The following STK4 variants were observed in gnomAD, a reference collection of about 807,000 sequenced individuals.
STK4 encodes the protein serine/threonine kinase 4, also known as serine/threonine-protein kinase 4.
Under a neutral mutation model 64.9 loss-of-function variants are expected in STK4, and 30 were observed. That is an observed-to-expected ratio of 0.46 (90% CI 0.35 to 0.63). The LOEUF is 0.63. Ranked by LOEUF, STK4 falls within the 20% of genes least tolerant of loss-of-function variation. The pLI is 0.01. For missense variants in STK4, 466 were observed against 598.5 expected (o/e 0.78, Z 2.31); for synonymous variants, 177 against 199.0 (o/e 0.89, Z 0.93).
At chr20:45,068,484 T>C (rs1048039718) in intron 10 of STK4, among the ~76,000 whole-genome samples, 27 of 152,122 alleles carry the variant, frequency 1.8e-4, no homozygotes, top group African/African-American at 5.8e-4. Context: ...ATTTTACAGA[T>C]GAGAAAACGG....
chr20:45,055,772 GC>G (rs1177111476), intron 10 of STK4, among the ~76,000 whole-genome samples: 2 of 144,752 alleles, frequency 1.4e-5, no homozygotes, highest in Admixed American at 7.1e-5. Flanking sequence ...TTGCACTGTT[GC>G]CCAGGCTGGA....
intron 9 of STK4, chr20:45,007,752 C>CATTT: frequency 2.5e-6 from 1 of 408,086 alleles, no homozygotes; most frequent in Non-Finnish European, 4.9e-6. Flanking sequence ...ATTGTTTATT[C>CATTT]ATTTATTTAT....
At chr20:44,967,515 G>A (rs1568672145) in intron 1 of STK4, among the ~76,000 whole-genome samples, 1 of 152,150 alleles carries the variant, frequency 6.6e-6, no homozygotes, top group Non-Finnish European at 1.5e-5. Flanking sequence ...TGGACATCCC[G>A]GGTCTTTTGC....
At chr20:45,022,797 A>G (rs1196154417) in intron 9 of STK4, among the ~76,000 whole-genome samples, 1 of 152,208 alleles carries the variant, frequency 6.6e-6, no homozygotes, top group Non-Finnish European at 1.5e-5. Flanking sequence ...AAAGTTTTAA[A>G]TTACCTGTTA....
At chr20:45,047,120 A>C (rs2068708888) in intron 10 of STK4, among the ~76,000 whole-genome samples, 1 of 152,202 alleles carries the variant, frequency 6.6e-6, no homozygotes, top group Non-Finnish European at 1.5e-5. Context: ...TTGGATTTTG[A>C]CAAGGAAATG....
chr20:45,018,685 AATCTAATTTTTAAAATTCT>A (rs2145365408), intron 9 of STK4, among the ~76,000 whole-genome samples: 1 of 152,092 alleles, frequency 6.6e-6, no homozygotes, highest in East Asian at 1.9e-4. Flanking sequence ...CCATCACCAC[AATCTAATTTTTAAAATTCT>A]ATCTAATTTT....
At chr20:45,009,483 G>T (rs2145716609) in intron 9 of STK4, among the ~76,000 whole-genome samples, 1 of 152,232 alleles carries the variant, frequency 6.6e-6, no homozygotes, top group East Asian at 1.9e-4. Flanking sequence ...CTCTGGCTTT[G>T]TTCTTTTTGC....
chr20:45,013,430 A>G (rs990752737), intron 9 of STK4, among the ~76,000 whole-genome samples: 2 of 152,132 alleles, frequency 1.3e-5, no homozygotes, highest in African/African-American at 2.4e-5. Context: ...GCTGTATTCC[A>G]TACATTTTCA....
At chr20:44,978,414 T>C in intron 2 of STK4, 29 bp from the exon 3 acceptor site, 2 of 1,599,420 alleles carry the variant, frequency 1.3e-6, no homozygotes, top group Non-Finnish European at 1.7e-6. Context: ...TTTGACTTTA[T>C]AAATGTTCTT....
intron 2 of STK4, chr20:44,973,287 C>T (rs1196547507): frequency 1.3e-5 from 2 of 152,048 alleles, no homozygotes; most frequent in African/African-American, 2.4e-5. Context: ...CATGAGTCAT[C>T]GTCTTTTTGT....
chr20:45,020,034 G>T (rs2068214542), intron 9 of STK4, among the ~76,000 whole-genome samples: 1 of 152,056 alleles, frequency 6.6e-6, no homozygotes, highest in African/African-American at 2.4e-5. Flanking sequence ...TCTTTATTTT[G>T]ATTTTAGAGA....
chr20:44,973,627 G>C (rs1264763892), intron 2 of STK4, among the ~76,000 whole-genome samples: 3 of 152,212 alleles, frequency 2.0e-5, no homozygotes, highest in Non-Finnish European at 4.4e-5. Flanking sequence ...TTCTAATACA[G>C]TTTGCTCTTA....
intron 9 of STK4, among the ~76,000 whole-genome samples, chr20:45,002,712 C>T (rs1245793577): frequency 1.3e-5 from 2 of 152,140 alleles, no homozygotes; most frequent in Admixed American, 6.6e-5. Flanking sequence ...CAATGATCAA[C>T]TCACTGCCCG....
chr20:45,033,832 G>T (rs1332687374), intron 10 of STK4, among the ~76,000 whole-genome samples: 2 of 151,980 alleles, frequency 1.3e-5, no homozygotes, highest in Non-Finnish European at 2.9e-5. Flanking sequence ...TACCCACCTC[G>T]GCCTTTCAAA....
intron 9 of STK4, chr20:45,007,742 A>G (rs941454298): frequency 7.5e-6 from 3 of 402,400 alleles, no homozygotes; most frequent in African/African-American, 6.3e-5. Context: ...GTTCGAAACA[A>G]TTGTTTATTC....
chr20:44,991,670 T>G (rs1184135150), intron 5 of STK4, among the ~76,000 whole-genome samples: 3 of 152,178 alleles, frequency 2.0e-5, no homozygotes, highest in Non-Finnish European at 2.9e-5. Flanking sequence ...ACTTTTTTTT[T>G]TTGTTTTTGG....
intron 10 of STK4, among the ~76,000 whole-genome samples, chr20:45,027,187 G>A (rs1034088453): frequency 5.9e-5 from 9 of 152,128 alleles, no homozygotes; most frequent in African/African-American, 2.2e-4. Flanking sequence ...CCAGCACTTT[G>A]GGAGGCCAAG....
chr20:45,003,369 A>AT (rs1365577918), intron 9 of STK4, among the ~76,000 whole-genome samples: 2 of 152,188 alleles, frequency 1.3e-5, no homozygotes, highest in Non-Finnish European at 2.9e-5. Context: ...GTGGTGTTAG[A>AT]TAATTCACTT....
At chr20:45,038,310 G>A (rs889497041) in intron 10 of STK4, among the ~76,000 whole-genome samples, 4 of 126,936 alleles carry the variant, frequency 3.2e-5, no homozygotes, top group African/African-American at 1.3e-4. Context: ...AAATATTATT[G>A]ACCTTTTAAA....
Sources: gnomAD v4.1 joint callset for allele counts (sites outside exome capture counted in the v4.1 genomes callset) on GRCh38, gnomAD v4.1.1 for gene constraint, MANE v1.5 for transcripts, NCBI Gene and HGNC (gene_info 2026-07-23, HGNC 2026-07-21) for gene names.